Variants in CCDC7 observed in about 807,000 individuals in gnomAD.
CCDC7 encodes coiled-coil domain containing 7.
CCDC7 carries 183 observed loss-of-function variants against 196.9 expected under a neutral mutation model. The ratio of observed to expected loss-of-function variants is 0.93; its 90% CI spans 0.82 to 1.05. The LOEUF (loss-of-function observed/expected upper bound fraction) is 1.05, where lower values mean the gene tolerates loss of function less well. CCDC7 is among the 50% of genes least tolerant of loss of function. The probability of loss-of-function intolerance (pLI) is 0.00; values close to 1 mark genes in which losing one functional copy is unlikely to be tolerated. For synonymous variants in CCDC7, 525 were observed against 484.6 expected, an observed-to-expected ratio of 1.08 and a Z score of -1.10; for missense variants, 1,540 against 1,482.2, an observed-to-expected ratio of 1.04 and a Z score of -0.64.
At chr10:32,514,693 A>G (rs2046755113) in intron 9 of CCDC7, 1 of 152,248 alleles carries the variant, frequency 6.6e-6, no homozygotes, top group Non-Finnish European at 1.5e-5. Context: ...ATAGCACCAA[A>G]GAGATCATAC....
chr10:32,763,411 A>C (rs2077760213), intron 28 of CCDC7, among the ~76,000 whole-genome samples: 1 of 151,936 alleles, frequency 6.6e-6, no homozygotes, highest in Non-Finnish European at 1.5e-5. Flanking sequence ...CAGGTGGTGA[A>C]AAACAATAGG....
At chr10:32,590,582 T>G (rs1163089196) in intron 18 of CCDC7, among the ~76,000 whole-genome samples, 1 of 152,182 alleles carries the variant, frequency 6.6e-6, no homozygotes, top group Non-Finnish European at 1.5e-5. Context: ...GTGAGTTTTA[T>G]ACCTTCAAAT....
chr10:32,629,539 G>A lies in CCDC7; in HGVS notation c.1802-4715G>A, dbSNP rs1214187907. Among the ~76,000 whole-genome samples, 3 of 152,026 alleles carry A rather than the reference G, an allele frequency of 2.0e-5. No individual in the cohort carries two copies. The East Asian group carries it at 5.8e-4, about 29-fold the overall frequency. On this transcript the variant is annotated intron_variant, in intron 18 of 41. Transcript: ENST00000639629. The stretch of plus-strand genomic sequence containing the variant: ...GAGAGTCCTCAGCTTTGGATTTATT[G>A]CTAGAGGAACCCAGGGAAGAATGTG...
chr10:32,817,442 A>G (rs1179307997), intron 31 of CCDC7, among the ~76,000 whole-genome samples: 1 of 152,200 alleles, frequency 6.6e-6, no homozygotes, highest in Non-Finnish European at 1.5e-5. Flanking sequence ...AACTTCCCCA[A>G]TCTAGCAAGG....
At chr10:32,729,711 T>G (rs950824743) in intron 28 of CCDC7, among the ~76,000 whole-genome samples, 8 of 152,076 alleles carry the variant, frequency 5.3e-5, no homozygotes, top group Non-Finnish European at 8.8e-5. Flanking sequence ...TGCTCTATTT[T>G]TGTGTGTGTG....
At chr10:32,617,760 A>G (rs2062938651) in intron 18 of CCDC7, among the ~76,000 whole-genome samples, 1 of 151,642 alleles carries the variant, frequency 6.6e-6, no homozygotes, top group Admixed American at 6.6e-5. Flanking sequence ...ACTAATGTAT[A>G]TTCTGTAATT....
intron 13 of CCDC7, among the ~76,000 whole-genome samples, chr10:32,564,439 T>G (rs369730835): frequency 7.2e-5 from 11 of 152,110 alleles, no homozygotes; most frequent in South Asian, 2.1e-4. Flanking sequence ...AAGAAAATGT[T>G]GCACATATAC....
At chr10:32,694,130 T>C (rs1233865535) in intron 23 of CCDC7, among the ~76,000 whole-genome samples, 1 of 152,218 alleles carries the variant, frequency 6.6e-6, no homozygotes, top group East Asian at 1.9e-4. Flanking sequence ...TTGCTTTTGA[T>C]TTATTCCTTT....
At chr10:32,599,700 G>A (rs2060794493) in intron 18 of CCDC7, among the ~76,000 whole-genome samples, 1 of 151,486 alleles carries the variant, frequency 6.6e-6, no homozygotes, top group African/African-American at 2.4e-5. Context: ...GTGTGTTTTG[G>A]TTACATGGAT....
chr10:32,525,867 GTCTC>G (rs150542072), intron 11 of CCDC7, among the ~76,000 whole-genome samples: 1 of 151,846 alleles, frequency 6.6e-6, no homozygotes, highest in East Asian at 1.9e-4. Flanking sequence ...AAGGAACAGA[GTCTC>G]TCTCTCTCTG....
intron 32 of CCDC7, among the ~76,000 whole-genome samples, chr10:32,833,357 A>ATTTTT (rs771667175): frequency 1.0e-5 from 1 of 100,082 alleles, no homozygotes; most frequent in African/African-American, 4.1e-5. Context: ...TTTTTTTAAA[A>ATTTTT]AAAAAAAAAA....
At chr10:32,515,551 T>C (rs1027425113) in intron 9 of CCDC7, among the ~76,000 whole-genome samples, 1 of 152,178 alleles carries the variant, frequency 6.6e-6, no homozygotes, top group South Asian at 2.1e-4. Context: ...TTTTTATTTT[T>C]ATTTTTTTTT....
chr10:32,595,140 G>T (rs190524685), intron 18 of CCDC7, among the ~76,000 whole-genome samples: 172 of 152,244 alleles, frequency 1.1e-3, no homozygotes, highest in Admixed American at 2.0e-3. Context: ...GCTCCTCTTT[G>T]TACCTCTGGC....
intron 30 of CCDC7, among the ~76,000 whole-genome samples, chr10:32,809,369 A>G (rs1410232652): frequency 1.3e-5 from 2 of 152,218 alleles, no homozygotes; most frequent in Non-Finnish European, 2.9e-5. Flanking sequence ...AAAATTTATT[A>G]AAGAGGTAGA....
At chr10:32,807,280 G>T (rs2086034359) in intron 30 of CCDC7, among the ~76,000 whole-genome samples, 1 of 151,996 alleles carries the variant, frequency 6.6e-6, no homozygotes, top group South Asian at 2.1e-4. Context: ...AAATGCAATT[G>T]TATAAAAAAT....
rs185593753 is a variant in CCDC7 at position 32,587,149 on chromosome 10, C to T, written c.1801+2845C>T. Among the ~76,000 whole-genome samples the T allele has an allele frequency of 2.3e-4, 35 of 152,300 alleles. 1 individual carries two copies. The highest frequency in any genetic ancestry group is 2.1e-3 in the Admixed American group (32 of 15,286). ...CATTCACAGTGTTGTGCAACCATCA[C>T]TAACATCTATTTCCACAACTTTTCA... On this transcript the variant is annotated intron_variant, in intron 18 of 41. Transcript: ENST00000639629.
intron 18 of CCDC7, among the ~76,000 whole-genome samples, chr10:32,585,337 T>C (rs2059159594): frequency 6.6e-6 from 1 of 152,214 alleles, no homozygotes; most frequent in South Asian, 2.1e-4. Context: ...CCTCCCAAAG[T>C]GCTGGGATTA....
intron 31 of CCDC7, among the ~76,000 whole-genome samples, chr10:32,818,293 C>T (rs1185041075): frequency 1.3e-5 from 2 of 152,118 alleles, no homozygotes; most frequent in Non-Finnish European, 2.9e-5. Flanking sequence ...GCTAACTATC[C>T]TAAATATATA....
At chr10:32,804,817 C>T (rs565214949) in intron 29 of CCDC7, among the ~76,000 whole-genome samples, 198 bp from the exon 31 acceptor site, 1 of 152,216 alleles carries the variant, frequency 6.6e-6, no homozygotes, top group East Asian at 1.9e-4. Flanking sequence ...CCTCAATACA[C>T]TAAGGCTTAT....
Sources: gnomAD v4.1 joint callset for allele counts (sites outside exome capture counted in the v4.1 genomes callset) on GRCh38, gnomAD v4.1.1 for gene constraint, MANE v1.5 for transcripts, NCBI Gene and HGNC (gene_info 2026-07-23, HGNC 2026-07-21) for gene names.